The following DNAH7 variants were observed in gnomAD, a reference collection of about 807,000 sequenced individuals.
DNAH7 encodes the protein dynein axonemal heavy chain 7, also known as axonemal beta dynein heavy chain 7.
DNAH7 carries 397 observed loss-of-function variants against 444.6 expected under a neutral mutation model. That is an observed-to-expected ratio of 0.89 (90% CI 0.82 to 0.97). The LOEUF (loss-of-function observed/expected upper bound fraction) is 0.97. Among genes scored for constraint, DNAH7 ranks in the 50% least tolerant of loss-of-function variants. The pLI is 0.00. For synonymous variants in DNAH7, 1,636 were observed against 1,624.4 expected (o/e 1.01, Z -0.17); for missense variants, 4,902 against 4,800.8 (o/e 1.02, Z -0.62).
intron 1 of DNAH7, among the ~76,000 whole-genome samples, chr2:196,060,912 T>C (rs1261632694): frequency 1.3e-5 from 2 of 152,192 alleles, no homozygotes; most frequent in African/African-American, 4.8e-5. Flanking sequence ...CCTAACTCTG[T>C]GAACACTTAA....
At chr2:195,833,468 G>A (rs1698170313) in intron 48 of DNAH7, among the ~76,000 whole-genome samples, 1 of 152,166 alleles carries the variant, frequency 6.6e-6, no homozygotes, top group Non-Finnish European at 1.5e-5. Flanking sequence ...CTAATAACAA[G>A]TGAGACTTGC....
intron 21 of DNAH7, among the ~76,000 whole-genome samples, chr2:195,928,332 T>C (rs975020545): frequency 6.6e-6 from 1 of 152,154 alleles, no homozygotes; most frequent in African/African-American, 2.4e-5. Context: ...AACCAAAATA[T>C]TTTCTCCAAG....
At chr2:195,753,704 G>A (rs1045326136) in intron 63 of DNAH7, among the ~76,000 whole-genome samples, 3 of 152,096 alleles carry the variant, frequency 2.0e-5, no homozygotes, top group Admixed American at 6.5e-5. Context: ...ATTTAAAATC[G>A]TGGCCTTGTC....
intron 3 of DNAH7, among the ~76,000 whole-genome samples, chr2:196,050,394 T>C (rs1343539795): frequency 6.6e-6 from 1 of 152,174 alleles, no homozygotes; most frequent in Non-Finnish European, 1.5e-5. Flanking sequence ...TTTAGTCAGA[T>C]GAAAAGAGTT....
chr2:195,906,563 G>A (rs1687036330), intron 27 of DNAH7, 96 bp downstream of exon 27: 3 of 1,235,558 alleles, frequency 2.4e-6, no homozygotes, highest in Non-Finnish European at 3.3e-6. Flanking sequence ...TAAAGTGCTA[G>A]GATTATAGGC....
chr2:195,999,130 G>C, intron 12 of DNAH7: 1 of 717,302 alleles, frequency 1.4e-6, no homozygotes, highest in Non-Finnish European at 2.6e-6. Context: ...AACACTGAAG[G>C]GTGACACAAT....
intron 19 of DNAH7, among the ~76,000 whole-genome samples, chr2:195,954,910 G>C (rs1690535294): frequency 6.6e-6 from 1 of 152,116 alleles, no homozygotes; most frequent in Admixed American, 6.5e-5. Context: ...GTTCTTTGTA[G>C]AATCTGGATA....
At chr2:195,806,701 C>CACA (rs1301281155) in intron 54 of DNAH7, 39 bp downstream of exon 54, 4 of 1,573,734 alleles carry the variant, frequency 2.5e-6, no homozygotes, top group Non-Finnish European at 2.6e-6. Flanking sequence ...AGGCATAAGG[C>CACA]TTTGGAATCA....
chr2:195,967,984 C>CT (rs1691594755), intron 17 of DNAH7, among the ~76,000 whole-genome samples: 1 of 152,244 alleles, frequency 6.6e-6, no homozygotes, highest in African/African-American at 2.4e-5. Flanking sequence ...GCCTCTCCTG[C>CT]TGCTGCCACC....
At chr2:196,060,153 GC>G (rs1438848032) in intron 1 of DNAH7, among the ~76,000 whole-genome samples, 2 of 152,174 alleles carry the variant, frequency 1.3e-5, no homozygotes, top group Non-Finnish European at 1.5e-5. Context: ...AGGAGGCAGA[GC>G]TTGCAGTGAG....
chr2:195,808,776 T>C lies in DNAH7; in HGVS notation c.9989A>G (p.Glu3330Gly), dbSNP rs1366354492. 1 of 1,613,968 alleles carries C rather than the reference T, an allele frequency of 6.2e-7. No homozygotes were observed. Among genetic ancestry groups the C allele is most frequent in the East Asian group, 2.2e-5 (1 of 44,874 alleles). ...AGGCAAATCATCTAATCGACATATT[T>C]CATCCCAGGATTTCTGAGGAAGCCA... ...CTWLPQKSWD[E>G]ICRLDDLPAF... The change falls in exon 53 of 65, where the codon GAA (glutamate) becomes GGA (glycine). Residue 3330 changes from glutamate to glycine, a missense_variant. Physicochemically the swap from Glu to Gly is moderately conservative, Grantham distance 98 (BLOSUM62 -2). Coordinates refer to ENST00000312428, the MANE Select transcript of DNAH7 (RefSeq NM_018897.3).
chr2:195,792,436 C>CACACACAT (rs1553519819), intron 57 of DNAH7, among the ~76,000 whole-genome samples: 2 of 135,242 alleles, frequency 1.5e-5, no homozygotes, highest in East Asian at 4.7e-4. Context: ...CACACACACA[C>CACACACAT]ATTAAAAAAA....
chr2:195,917,924 C>T (rs1471204687), intron 24 of DNAH7, among the ~76,000 whole-genome samples: 1 of 152,154 alleles, frequency 6.6e-6, no homozygotes, highest in Non-Finnish European at 1.5e-5. Context: ...CTCCCTTGGC[C>T]TCCCAAAGTG....
chr2:195,747,525 G>A (rs1157709932), intron 63 of DNAH7, among the ~76,000 whole-genome samples: 1 of 152,118 alleles, frequency 6.6e-6, no homozygotes, highest in East Asian at 1.9e-4. Flanking sequence ...GCCAGGCAGA[G>A]ACACAACCAA....
intron 19 of DNAH7, among the ~76,000 whole-genome samples, chr2:195,948,631 G>C (rs1255232947): frequency 6.6e-6 from 1 of 152,166 alleles, no homozygotes; most frequent in African/African-American, 2.4e-5. Flanking sequence ...TGAGGTCTCT[G>C]TTCTGTTCCA....
intron 41 of DNAH7, 49 bp downstream of exon 41, chr2:195,864,100 T>G: frequency 6.4e-7 from 1 of 1,572,548 alleles, no homozygotes; most frequent in South Asian, 1.2e-5. Flanking sequence ...ATGATGATAG[T>G]GGAAATTCAA....
chr2:196,016,332 C>G (rs1695021255), intron 9 of DNAH7, among the ~76,000 whole-genome samples: 1 of 152,104 alleles, frequency 6.6e-6, no homozygotes, highest in South Asian at 2.1e-4. Flanking sequence ...ATTGTATGAC[C>G]TCATGACTGC....
At chr2:195,816,062 A>T (rs1697205446) in intron 51 of DNAH7, among the ~76,000 whole-genome samples, 1 of 152,248 alleles carries the variant, frequency 6.6e-6, no homozygotes, top group Non-Finnish European at 1.5e-5. Flanking sequence ...ATTTTAAAAA[A>T]TCAAATGAAA....
At chr2:195,900,222 C>G in intron 28 of DNAH7, 60 bp downstream of exon 28, 1 of 1,532,294 alleles carries the variant, frequency 6.5e-7, no homozygotes, top group South Asian at 1.1e-5. Flanking sequence ...CTCTGAAGAC[C>G]CATTAGGCTG....
Sources: allele counts gnomAD v4.1 joint callset (sites outside exome capture counted in the v4.1 genomes callset), GRCh38; gene constraint gnomAD v4.1.1; transcripts MANE v1.5; gene names NCBI Gene and HGNC (gene_info 2026-07-23, HGNC 2026-07-21).